The following KANK4 variants were observed in gnomAD, a reference collection of about 807,000 sequenced individuals.
The protein encoded by KANK4 is KN motif and ankyrin repeat domains 4, also known as KN motif and ankyrin repeat domain-containing protein 4.
In KANK4, 50 loss-of-function variants were observed where a neutral mutation model predicts 80.8. The observed-to-expected ratio is 0.62, with a 90% CI of 0.49 to 0.78. The LOEUF (loss-of-function observed/expected upper bound fraction) is 0.78, where lower values mean the gene tolerates loss of function less well. Ranked by LOEUF, KANK4 falls within the 30% of genes least tolerant of loss-of-function variation. The pLI is 0.00. For synonymous variants in KANK4, 465 were observed against 506.9 expected (o/e 0.92, Z 1.11); for missense variants, 1,196 against 1,240.1 (o/e 0.96, Z 0.53).
chr1:62,286,224 A>T (rs1279493625), intron 1 of KANK4, among the ~76,000 whole-genome samples: 1 of 152,242 alleles, frequency 6.6e-6, no homozygotes, highest in Non-Finnish European at 1.5e-5. Flanking sequence ...CCTGCTGCAT[A>T]GCCCACAGCA....
At chr1:62,256,559 T>C (rs1444639328) in intron 7 of KANK4, among the ~76,000 whole-genome samples, 5 of 152,144 alleles carry the variant, frequency 3.3e-5, no homozygotes, top group African/African-American at 1.2e-4. Flanking sequence ...ATTTTTGTAG[T>C]TTTAGCAGAG....
At chr1:62,317,985 C>T (rs772905986) in intron 1 of KANK4, among the ~76,000 whole-genome samples, 3 of 152,164 alleles carry the variant, frequency 2.0e-5, no homozygotes, top group Non-Finnish European at 4.4e-5. Context: ...GAAGGCTGGG[C>T]TTGAAAAGGC....
intron 7 of KANK4, among the ~76,000 whole-genome samples, chr1:62,256,304 T>C (rs1272258173): frequency 6.6e-6 from 1 of 152,196 alleles, no homozygotes; most frequent in Non-Finnish European, 1.5e-5. Flanking sequence ...GAAAAAAATG[T>C]CAATTAGTGC....
At chr1:62,306,639 C>T (rs920298228) in intron 1 of KANK4, among the ~76,000 whole-genome samples, 1 of 152,058 alleles carries the variant, frequency 6.6e-6, no homozygotes, top group Non-Finnish European at 1.5e-5. Context: ...GGTGCAGTGG[C>T]ATGATCATAA....
At chr1:62,316,654 C>A (rs1644542665) in intron 1 of KANK4, among the ~76,000 whole-genome samples, 1 of 152,182 alleles carries the variant, frequency 6.6e-6, no homozygotes, top group African/African-American at 2.4e-5. Flanking sequence ...AGGTTTTATG[C>A]AGTTGGAGGA....
intron 1 of KANK4, among the ~76,000 whole-genome samples, chr1:62,300,682 T>C (rs997491521): frequency 6.6e-6 from 1 of 152,200 alleles, no homozygotes. Flanking sequence ...CAGCTCATTT[T>C]ATTTTCTAGA....
chr1:62,248,999 CT>C (rs1671540726), intron 8 of KANK4, among the ~76,000 whole-genome samples: 2 of 52,708 alleles, frequency 3.8e-5, no homozygotes, highest in Admixed American at 4.8e-4. Context: ...TCTGTCTCTA[CT>C]AAAAAAAAAA....
Position 62,275,067 on chromosome 1 carries a change from C to T in KANK4, c.37G>A (p.Gly13Arg). The T allele has an allele frequency of 6.2e-7, 1 of 1,608,818 alleles. No homozygotes were observed. Among genetic ancestry groups the T allele is most frequent in the Admixed American group, 1.7e-5 (1 of 59,276 alleles). Reference protein sequence around the residue: ...KTDAKDQSSQGDEEKDPPKSH... With the variant: ...KTDAKDQSSQRDEEKDPPKSH... ...TTCGGAGGGTCTTTCTCTTCATCCC[C>T]CTGAGAGGACTGGTCTTTGGCTGGG... The change falls in exon 3 of 10, where the codon GGG (glycine) becomes AGG (arginine). Residue 13 changes from glycine to arginine, a missense_variant. By Grantham distance (125) the Gly-to-Arg change is moderately radical. Around this residue, in one of 3 missense-constraint regions of KANK4, gnomAD observed 36 missense variants for 34.0 expected, o/e 1.06. Transcript: ENST00000371153.
Position 62,273,308 on chromosome 1 carries a change from A to G in KANK4, c.1796T>C (p.Ile599Thr). The G allele has an allele frequency of 6.2e-7, 1 of 1,603,544 alleles. No individual in the cohort carries two copies. The highest frequency in any genetic ancestry group is 8.5e-7 in the Non-Finnish European group (1 of 1,172,304). ...GAGGGAGCTCAGCAGCTGGCTCTGG[A>G]TGCTGCTGAGCTTGGAGGCTGGCTG... ...IKQPASKLSS[I>T]QSQLLSSLNL... Residue 599 changes from isoleucine to threonine, a missense_variant, in exon 3 of 10, where the codon ATC becomes ACC. By Grantham distance (89) the Ile-to-Thr change is moderately conservative (BLOSUM62 -1). Around this residue, in one of 3 missense-constraint regions of KANK4, gnomAD observed 1,154 missense variants for 1,179.6 expected, o/e 0.98. Coordinates refer to ENST00000371153, the MANE Select transcript of KANK4 (RefSeq NM_181712.5).
At chr1:62,264,246 T>G in intron 6 of KANK4, among the ~76,000 whole-genome samples, 1 of 151,978 alleles carries the variant, frequency 6.6e-6, no homozygotes, top group Non-Finnish European at 1.5e-5. Flanking sequence ...GGAGAAACCC[T>G]GTCTCTACTA....
chr1:62,274,786 T>G lies in KANK4; in HGVS notation c.318A>C (p.Gln106His), dbSNP rs762402327. ...PREASLGTQE[Q>H]NQSPPLGNAP... Reference sequence around the variant, plus strand: ...CATTACCAAGCGGTGGTGACTGGTTTTGCTCCTGTGTCCCAAGTGATGCCT... The same window carrying G: ...CATTACCAAGCGGTGGTGACTGGTTGTGCTCCTGTGTCCCAAGTGATGCCT... Residue 106 changes from glutamine (Q) to histidine (H), a missense_variant, in exon 3 of 10, where the codon CAA (glutamine) becomes CAC (histidine). Physicochemically the swap from Gln to His is conservative, Grantham distance 24. Around this residue, in one of 3 missense-constraint regions of KANK4, gnomAD observed 1,154 missense variants for 1,179.6 expected, o/e 0.98. Coordinates refer to ENST00000371153, the MANE Select transcript of KANK4 (RefSeq NM_181712.5). The G allele has an allele frequency of 1.1e-5, 17 of 1,613,972 alleles. No individual in the cohort carries two copies. In the Middle Eastern group the frequency reaches 4.9e-4, roughly 47 times the overall value.
rs1490651822 is a variant in KANK4, at chr1:62,247,582, G to T, written c.2773C>A (p.Gln925Lys). Residue 925 changes from glutamine (Q) to lysine (K), a missense_variant, in exon 9 of 10, where the codon CAG (glutamine) becomes AAG (lysine). This residue lies in a region of KANK4 where 1,154 missense variants were observed against 1,179.6 expected (regional missense o/e 0.98). Coordinates refer to ENST00000371153, the MANE Select transcript of KANK4 (RefSeq NM_181712.5). ...AGGGCCGAGGATCCATCGTGGTCCT[G>T]CAGATTGACATCTGCCTGGCAGCTA... is the stretch of plus-strand genomic sequence containing the variant. ...LLSCQADVNLQDHDGSSALMV... is the reference protein window; with the variant it reads ...LLSCQADVNLKDHDGSSALMV... The T allele has an allele frequency of 1.9e-6, 3 of 1,614,042 alleles. No homozygotes were observed. Among genetic ancestry groups the T allele is most frequent in the African/African-American group, 2.7e-5 (2 of 75,028 alleles).
At chr1:62,281,778 T>A in intron 1 of KANK4, 144 bp from the exon 2 acceptor site, 1 of 620,284 alleles carries the variant, frequency 1.6e-6, no homozygotes, top group Non-Finnish European at 2.9e-6. Context: ...AGGAGGAAGA[T>A]TAAAAACCTG....
intron 9 of KANK4, among the ~76,000 whole-genome samples, chr1:62,240,512 A>G (rs1157764964): frequency 6.6e-6 from 1 of 152,148 alleles, no homozygotes; most frequent in Non-Finnish European, 1.5e-5. Flanking sequence ...TCTACTAAAA[A>G]TACAAAATTA....
Position 62,236,361 on chromosome 1 carries a change from C to T in KANK4, c.*1916G>A, listed in dbSNP as rs1452685916. Among the ~76,000 whole-genome samples the T allele has an allele frequency of 1.3e-5, 2 of 152,090 alleles. No individual in the cohort carries two copies. Among genetic ancestry groups the T allele is most frequent in the Admixed American group, 6.6e-5 (1 of 15,266 alleles). On this transcript the variant is annotated 3_prime_UTR_variant, in exon 10 of 10. Coordinates refer to ENST00000371153, the MANE Select transcript of KANK4 (RefSeq NM_181712.5). ...ATGCACATAAATGTTCGCGAAGCAC[C>T]GGGCTAGAACATTTATTAACGTAGG...
Position 62,247,613 on chromosome 1 carries a change from C to T in KANK4, c.2742G>A (p.Ala914=), listed in dbSNP as rs372152032. Residue 914 remains alanine (A), a synonymous_variant, in exon 9 of 10, where the codon GCG becomes GCA. Coordinates refer to ENST00000371153, the MANE Select transcript of KANK4 (RefSeq NM_181712.5). ...TGACATCTGCCTGGCAGCTAAGCAG[C>T]GCTTGAACCATGTCCTCCCTGTCGT... ...VSHDREDMVQ[A]LLSCQADVNL... 281 of 1,613,944 alleles carry T rather than the reference C, an allele frequency of 1.7e-4. No individual in the cohort carries two copies. The highest frequency in any genetic ancestry group is 2.2e-4 in the Non-Finnish European group (261 of 1,180,040).
intron 8 of KANK4, among the ~76,000 whole-genome samples, chr1:62,249,133 C>G (rs1671545488): frequency 1.4e-5 from 2 of 146,124 alleles, no homozygotes; most frequent in Admixed American, 1.4e-4. Context: ...CTACTGCACT[C>G]CAGCCTGGTC....
intron 2 of KANK4, among the ~76,000 whole-genome samples, chr1:62,276,725 C>T (rs1046235870): frequency 3.1e-4 from 45 of 147,254 alleles, no homozygotes; most frequent in African/African-American, 8.4e-4. Flanking sequence ...TGCAGTGAGC[C>T]GAGATTGCAC....
chr1:62,246,701 A>T (rs1057313144), intron 9 of KANK4, among the ~76,000 whole-genome samples: 3 of 151,978 alleles, frequency 2.0e-5, no homozygotes, highest in African/African-American at 7.3e-5. Context: ...GGGCTCAAGC[A>T]ATCCTCCTGC....
Sources: allele counts gnomAD v4.1 joint callset (sites outside exome capture counted in the v4.1 genomes callset), GRCh38; gene constraint gnomAD v4.1.1; regional missense constraint gnomAD v4.1.1; transcripts MANE v1.5; gene names NCBI Gene and HGNC (gene_info 2026-07-23, HGNC 2026-07-21).